Variants in TRHDE observed in about 807,000 individuals in gnomAD.
TRHDE encodes thyrotropin-releasing hormone-degrading ectoenzyme.
A neutral mutation model predicts 125.7 loss-of-function variants in TRHDE; 72 were observed. The ratio of observed to expected loss-of-function variants is 0.57; its 90% CI spans 0.47 to 0.70. The LOEUF is 0.70. Ranked by LOEUF, TRHDE falls within the 30% of genes least tolerant of loss-of-function variation. The pLI, the probability that TRHDE is intolerant of heterozygous loss-of-function variation, is 0.00. For synonymous variants in TRHDE, 509 were observed against 509.1 expected (o/e 1.00, Z 0.00); for missense variants, 1,110 against 1,327.1 (o/e 0.84, Z 2.54).
intron 3 of TRHDE, among the ~76,000 whole-genome samples, chr12:72,415,927 G>A (rs1313735381): frequency 6.6e-6 from 1 of 151,926 alleles, no homozygotes; most frequent in African/African-American, 2.4e-5. Context: ...ATGATATGGT[G>A]GCTCTATTTT....
intron 2 of TRHDE, among the ~76,000 whole-genome samples, chr12:72,208,766 A>G (rs1309893638): frequency 5.3e-5 from 8 of 152,232 alleles, no homozygotes; most frequent in Admixed American, 3.9e-4. Context: ...CATGAAAACT[A>G]TCAATCCTAG....
At chr12:72,570,183 T>G (rs1233075990) in intron 10 of TRHDE, among the ~76,000 whole-genome samples, 1 of 152,210 alleles carries the variant, frequency 6.6e-6, no homozygotes, top group Non-Finnish European at 1.5e-5. Flanking sequence ...GGATTCAGGA[T>G]GAGTAATTCT....
intron 3 of TRHDE, among the ~76,000 whole-genome samples, chr12:72,463,717 G>A (rs1283768277): frequency 6.6e-6 from 1 of 152,160 alleles, no homozygotes; most frequent in Non-Finnish European, 1.5e-5. Flanking sequence ...CATGACCTGT[G>A]AGATAAGAAT....
At chr12:72,306,074 C>T (rs937802435) in intron 2 of TRHDE, among the ~76,000 whole-genome samples, 2 of 152,186 alleles carry the variant, frequency 1.3e-5, no homozygotes, top group Non-Finnish European at 2.9e-5. Flanking sequence ...TTCCCTTTTC[C>T]CCTCTGCTGC....
intron 2 of TRHDE, among the ~76,000 whole-genome samples, chr12:72,370,006 A>C (rs1871505742): frequency 6.6e-6 from 1 of 152,192 alleles, no homozygotes; most frequent in Non-Finnish European, 1.5e-5. Context: ...ATTTCTTTTC[A>C]CAGTGTAAAG....
intron 7 of TRHDE, among the ~76,000 whole-genome samples, chr12:72,545,522 C>T (rs2135991377): frequency 6.6e-6 from 1 of 151,590 alleles, no homozygotes; most frequent in East Asian, 1.9e-4. Flanking sequence ...TAATTTGGGA[C>T]AGCTGTTTTA....
intron 12 of TRHDE, among the ~76,000 whole-genome samples, chr12:72,581,267 T>C (rs1871213939): frequency 6.6e-6 from 1 of 152,240 alleles, no homozygotes; most frequent in African/African-American, 2.4e-5. Flanking sequence ...ATAGAAAATA[T>C]AATCAACGGG....
intron 2 of TRHDE, among the ~76,000 whole-genome samples, chr12:72,133,031 T>C (rs1592452953): frequency 6.6e-6 from 1 of 152,024 alleles, no homozygotes; most frequent in African/African-American, 2.4e-5. Context: ...GGGGAAGTGG[T>C]GTAAGATGAG....
At chr12:72,372,848 G>T (rs1871673589) in intron 2 of TRHDE, among the ~76,000 whole-genome samples, 1 of 152,122 alleles carries the variant, frequency 6.6e-6, no homozygotes. Context: ...TGTTCTTTTG[G>T]CTTAGGATTG....
chr12:72,286,199 C>T (rs761920556), intron 1 of TRHDE, among the ~76,000 whole-genome samples: 5 of 152,206 alleles, frequency 3.3e-5, no homozygotes, highest in Non-Finnish European at 7.3e-5. Context: ...TTTTTCTGAA[C>T]AAAACCAGGC....
Position 72,635,578 on chromosome 12 carries a change from G to A in TRHDE, c.2675+13827G>A, listed in dbSNP as rs1156646099. Among the ~76,000 whole-genome samples the A allele has an allele frequency of 1.2e-3, 179 of 151,912 alleles. 2 individuals carry two copies. The highest frequency in any genetic ancestry group is 0.012 in the East Asian group (60 of 5,150). ...TGTTTTAGACATGAAGTCCTTGCCC[G>A]TGCCTATGTCCTGAATGGTAATGCC... On this transcript the variant is annotated intron_variant, in intron 15 of 18. Coordinates refer to ENST00000261180, the MANE Select transcript of TRHDE (RefSeq NM_013381.3).
At chr12:72,225,253 C>G (rs968782845) in intron 2 of TRHDE, among the ~76,000 whole-genome samples, 1 of 152,160 alleles carries the variant, frequency 6.6e-6, no homozygotes, top group Non-Finnish European at 1.5e-5. Flanking sequence ...ATATTTCTCT[C>G]TTTGAAGTTA....
At chr12:72,414,083 G>A (rs984061634) in intron 3 of TRHDE, among the ~76,000 whole-genome samples, 9 of 152,044 alleles carry the variant, frequency 5.9e-5, no homozygotes, top group Non-Finnish European at 1.3e-4. Flanking sequence ...TGGGATTGAG[G>A]ACTATTACTA....
intron 3 of TRHDE, among the ~76,000 whole-genome samples, chr12:72,391,721 C>T (rs1872617615): frequency 6.6e-6 from 1 of 152,028 alleles, no homozygotes; most frequent in South Asian, 2.1e-4. Flanking sequence ...TATACCGTGT[C>T]AATTTTTATT....
intron 2 of TRHDE, among the ~76,000 whole-genome samples, chr12:72,181,511 A>G (rs1877096218): frequency 6.6e-6 from 1 of 152,214 alleles, no homozygotes; most frequent in African/African-American, 2.4e-5. Flanking sequence ...AGCAACAATA[A>G]TTTAAATTAA....
rs562230875 is a variant in TRHDE at position 72,603,781 on chromosome 12, G to A, written c.2322-15110G>A. ...CAACAACAACAAAAAAACAATGTAA[G>A]TATACAGATTGAAGTGCACCCTGTG... On this transcript the variant is annotated intron_variant, in intron 12 of 18. Transcript: ENST00000261180. Among the ~76,000 whole-genome samples, 4 of 151,718 alleles carry A rather than the reference G, an allele frequency of 2.6e-5. No homozygotes were observed. The East Asian group carries it at 5.8e-4, about 22-fold the overall frequency.
At chr12:72,286,018 T>A (rs1879873805) in intron 1 of TRHDE, among the ~76,000 whole-genome samples, 1 of 152,218 alleles carries the variant, frequency 6.6e-6, no homozygotes, top group Non-Finnish European at 1.5e-5. Flanking sequence ...GTGCTTTACA[T>A]CCTTTCTTTT....
chr12:72,618,107 T>C (rs146667300), intron 12 of TRHDE, among the ~76,000 whole-genome samples: 1 of 152,268 alleles, frequency 6.6e-6, no homozygotes, highest in African/African-American at 2.4e-5. Context: ...GCAAGAATAT[T>C]ATATACAGTC....
rs994513813 is a variant in TRHDE, at chr12:72,650,461, CT to C, written c.2676-1853del. ...CAACATAGTTTAGTATATTCTGTTA[CT>C]TTTTTTTCTATATTTCTACATGCCT... On this transcript the variant is annotated intron_variant, in intron 15 of 18. Coordinates refer to ENST00000261180, the MANE Select transcript of TRHDE (RefSeq NM_013381.3). Among the ~76,000 whole-genome samples the C allele has an allele frequency of 5.9e-5, 9 of 151,970 alleles. No homozygotes were observed. In the East Asian group the frequency reaches 7.8e-4, roughly 13 times the overall value.
Sources: gnomAD v4.1 joint callset for allele counts (sites outside exome capture counted in the v4.1 genomes callset) on GRCh38, gnomAD v4.1.1 for gene constraint, MANE v1.5 for transcripts, NCBI Gene and HGNC (gene_info 2026-07-23, HGNC 2026-07-21) for gene names.